The following PCDH7 variants were observed in gnomAD, a reference collection of about 807,000 sequenced individuals.
PCDH7 encodes the protein protocadherin-7.
In PCDH7, 17 loss-of-function variants were observed where a neutral mutation model predicts 58.9. The observed-to-expected ratio is 0.29, with a 90% CI of 0.20 to 0.43. PCDH7 has a LOEUF of 0.43. PCDH7 is among the 20% of genes least tolerant of loss of function. PCDH7 has a pLI of 1.00. For missense variants in PCDH7, 1,274 were observed against 1,441.0 expected, an observed-to-expected ratio of 0.88 and a Z score of 1.88; for synonymous variants, 664 against 616.4, an observed-to-expected ratio of 1.08 and a Z score of -1.14.
chr4:31,023,569 A>C (rs1754194723), intron 3 of PCDH7, among the ~76,000 whole-genome samples: 1 of 152,204 alleles, frequency 6.6e-6, no homozygotes, highest in Non-Finnish European at 1.5e-5. Flanking sequence ...AGTAAGCAAA[A>C]TAATATGTGT....
intron 1 of PCDH7, among the ~76,000 whole-genome samples, chr4:30,796,371 G>C (rs1032833351): frequency 6.6e-6 from 1 of 152,138 alleles, no homozygotes; most frequent in Non-Finnish European, 1.5e-5. Flanking sequence ...GTTATTAGCA[G>C]TCATTCCACT....
Position 31,032,612 on chromosome 4 carries a change from A to G in PCDH7, c.*7+82397A>G, listed in dbSNP as rs1355208510. ...GATAGAGTCAGATTCTGTCAAAAAA[A>G]AAAAAAAAGAAAGAAGAGAGAAAGA... On this transcript the variant is annotated intron_variant, in intron 3 of 3. Transcript: ENST00000509759. Among the ~76,000 whole-genome samples, 12 of 146,874 alleles carry G rather than the reference A, an allele frequency of 8.2e-5. No homozygotes were observed. The East Asian group carries it at 2.4e-3, about 30-fold the overall frequency.
intron 1 of PCDH7, among the ~76,000 whole-genome samples, chr4:30,911,887 T>TA (rs569191379): frequency 1.3e-4 from 20 of 150,832 alleles, no homozygotes; most frequent in South Asian, 2.1e-4. Flanking sequence ...CTGCTTTTTT[T>TA]AAAAAAAAAA....
rs771010364 is a variant in PCDH7 at position 30,723,526 on chromosome 4, C to T, written c.2104C>T (p.Arg702Trp). Residue 702 changes from arginine (R) to tryptophan (W), a missense_variant, in exon 1 of 2, where the codon CGG (arginine) becomes TGG (tryptophan). Physicochemically the swap from Arg to Trp is moderately radical, Grantham distance 101 (BLOSUM62 -3). Around this residue, in one of 3 missense-constraint regions of PCDH7, gnomAD observed 731 missense variants for 881.9 expected, o/e 0.83. Coordinates refer to ENST00000361762, the Ensembl canonical transcript of PCDH7. This position sits in a 1 kb window ranked among gnomAD's most constrained non-coding sequence, Gnocchi z 4.6. ...CATTTACTCCACAATGTCTTTTGACCGGGAACATCAGACCACATACACTTT... is the reference window on the plus strand; with the variant it reads ...CATTTACTCCACAATGTCTTTTGACTGGGAACATCAGACCACATACACTTT... 1 of 1,614,052 alleles carries T rather than the reference C, an allele frequency of 6.2e-7. No individual in the cohort carries two copies. Among genetic ancestry groups the T allele is most frequent in the African/African-American group, 1.3e-5 (1 of 75,022 alleles).
intron 3 of PCDH7, among the ~76,000 whole-genome samples, chr4:31,128,336 T>C (rs10517226): frequency 0.047 from 7,176 of 152,092 alleles, 299 homozygotes; most frequent in African/African-American, 0.12. Flanking sequence ...AATGTATTCA[T>C]CAGGTTACTA....
intron 1 of PCDH7, among the ~76,000 whole-genome samples, chr4:30,750,544 C>T (rs941247392): frequency 2.6e-5 from 4 of 152,228 alleles, no homozygotes; most frequent in Non-Finnish European, 5.9e-5. Flanking sequence ...TTCATCTATA[C>T]GCAGAGGGAA....
intron 3 of PCDH7, among the ~76,000 whole-genome samples, chr4:31,095,890 A>T (rs924009604): frequency 6.6e-6 from 1 of 152,176 alleles, no homozygotes; most frequent in Non-Finnish European, 1.5e-5. Context: ...TTTGTTATAC[A>T]AATAAGGTCT....
chr4:31,076,395 T>C (rs1023462379), intron 3 of PCDH7, among the ~76,000 whole-genome samples: 1 of 152,248 alleles, frequency 6.6e-6, no homozygotes, highest in Non-Finnish European at 1.5e-5. Context: ...AAAATGCATT[T>C]GTTTCATACA....
At chr4:30,968,361 ATATATATACACACAC>A (rs1749209404) in intron 3 of PCDH7, among the ~76,000 whole-genome samples, 1 of 104,762 alleles carries the variant, frequency 9.5e-6, no homozygotes, top group Non-Finnish European at 1.8e-5. Context: ...TACACACACT[ATATATATACACACAC>A]TATATATATA....
intron 3 of PCDH7, among the ~76,000 whole-genome samples, chr4:31,087,676 T>TGA (rs1401170488): frequency 2.0e-5 from 3 of 152,132 alleles, no homozygotes; most frequent in African/African-American, 2.4e-5. Flanking sequence ...TTGCACACAT[T>TGA]GAGAAAACAT....
At chr4:30,893,777 T>C (rs894904485) in intron 1 of PCDH7, among the ~76,000 whole-genome samples, 2 of 152,150 alleles carry the variant, frequency 1.3e-5, no homozygotes, top group African/African-American at 4.8e-5. Context: ...TGTTCCTTAT[T>C]ATACTATTTT....
chr4:31,072,975 G>A (rs1175922202), intron 3 of PCDH7, among the ~76,000 whole-genome samples: 1 of 152,124 alleles, frequency 6.6e-6, no homozygotes, highest in African/African-American at 2.4e-5. Context: ...AGAATATCAT[G>A]GAAGTAAAAC....
chr4:30,991,780 G>A (rs540633529), intron 3 of PCDH7, among the ~76,000 whole-genome samples: 4 of 152,028 alleles, frequency 2.6e-5, no homozygotes, highest in Admixed American at 2.0e-4. Context: ...AATAATTAAA[G>A]TATTGCTTAA....
chr4:30,745,874 C>T, intron 1 of PCDH7, among the ~76,000 whole-genome samples: 1 of 152,172 alleles, frequency 6.6e-6, no homozygotes, highest in East Asian at 1.9e-4. Flanking sequence ...GATTCTCACT[C>T]TGTCACCTAG....
chr4:30,863,772 T>C (rs1734514383), intron 1 of PCDH7, among the ~76,000 whole-genome samples: 1 of 152,130 alleles, frequency 6.6e-6, no homozygotes, highest in Admixed American at 6.6e-5. Context: ...ACACAAAAAA[T>C]TCTGCATTTT....
At chr4:31,067,186 A>G (rs1758157955) in intron 3 of PCDH7, among the ~76,000 whole-genome samples, 1 of 151,990 alleles carries the variant, frequency 6.6e-6, no homozygotes, top group Non-Finnish European at 1.5e-5. Flanking sequence ...CCTTAGGTCC[A>G]TCTAAGTTTG....
intron 3 of PCDH7, among the ~76,000 whole-genome samples, chr4:31,140,774 C>T (rs937775408): frequency 6.6e-6 from 1 of 151,142 alleles, no homozygotes; most frequent in African/African-American, 2.4e-5. Flanking sequence ...GAGAAACAGA[C>T]AATTTAGGGT....
intron 1 of PCDH7, among the ~76,000 whole-genome samples, chr4:30,744,177 A>G (rs1430376177): frequency 6.6e-6 from 1 of 152,160 alleles, no homozygotes; most frequent in Non-Finnish European, 1.5e-5. Context: ...TCTACCAAGC[A>G]GCCAAGTGGT....
At chr4:31,091,392 T>C (rs1713229073) in intron 3 of PCDH7, among the ~76,000 whole-genome samples, 1 of 151,862 alleles carries the variant, frequency 6.6e-6, no homozygotes, top group African/African-American at 2.4e-5. Flanking sequence ...TTTATAGAAA[T>C]ATATTAAAAT....
Sources: allele counts gnomAD v4.1 joint callset (sites outside exome capture counted in the v4.1 genomes callset), GRCh38; gene constraint gnomAD v4.1.1; regional missense constraint gnomAD v4.1.1; non-coding constraint Gnocchi (gnomAD v3.1); transcripts MANE v1.5; gene names NCBI Gene and HGNC (gene_info 2026-07-23, HGNC 2026-07-21).